Variants in DNAI3 observed in about 807,000 individuals in gnomAD.
DNAI3 encodes dynein axonemal intermediate chain 3.
Under a neutral mutation model 115.5 loss-of-function variants are expected in DNAI3, and 83 were observed. That is an observed-to-expected ratio of 0.72 (90% CI 0.60 to 0.86). The LOEUF (loss-of-function observed/expected upper bound fraction) is 0.86, where lower values mean the gene tolerates loss of function less well. Among genes scored for constraint, DNAI3 ranks in the 40% least tolerant of loss-of-function variants. The pLI is 0.00. For missense variants in DNAI3, 1,004 were observed against 1,075.8 expected (o/e 0.93, Z 0.93); for synonymous variants, 320 against 347.0 (o/e 0.92, Z 0.86).
At chr1:85,116,035 T>A (rs930237830) in intron 16 of DNAI3, among the ~76,000 whole-genome samples, 1 of 152,200 alleles carries the variant, frequency 6.6e-6, no homozygotes, top group African/African-American at 2.4e-5. Flanking sequence ...TCCTGCTACT[T>A]CTTCCGTTAT....
At position 85,104,240 on chromosome 1, in the gene DNAI3, C is replaced by A. The variant is rs553814750; in HGVS notation, c.1480-284C>A. Among the ~76,000 whole-genome samples the A allele has an allele frequency of 1.5e-4, 23 of 151,886 alleles. No individual in the cohort carries two copies. In the South Asian group the frequency reaches 4.4e-3, roughly 29 times the overall value. On this transcript the variant is annotated intron_variant, in intron 13 of 22. Coordinates refer to ENST00000294664, the MANE Select transcript of DNAI3 (RefSeq NM_145172.5). The stretch of plus-strand genomic sequence containing the variant: ...GGTTCACGCCGTTCTCCCGCCTCAG[C>A]CTCTGGACTAGCTGGGACTACAGGC...
In DNAI3 at chr1:85,071,955, A is replaced by G. The variant is rs1303301309; in HGVS notation, c.14A>G (p.Gln5Arg). The change falls in exon 2 of 23, where the codon CAA (glutamine) becomes CGA (arginine). Residue 5 changes from glutamine to arginine, a missense_variant. Physicochemically the swap from Gln to Arg is conservative, Grantham distance 43. Around this residue, in one of 3 missense-constraint regions of DNAI3, gnomAD observed 550 missense variants for 568.1 expected, o/e 0.97. Transcript: ENST00000294664. MAPK[Q>R]KKKTSRGKKR... ...CAAGTCAGAACCATGGCTCCAAAAC[A>G]AAAGAAAAAGACATCACGTGGCAAA... 3.8e-5 allele frequency: 62 copies of G among 1,612,218 alleles called. No individual in the cohort carries two copies. The highest frequency in any genetic ancestry group is 5.3e-5 in the Non-Finnish European group (62 of 1,179,710).
At chr1:85,124,606 C>T (rs1312400321) in intron 19 of DNAI3, among the ~76,000 whole-genome samples, 2 of 152,196 alleles carry the variant, frequency 1.3e-5, no homozygotes, top group Non-Finnish European at 2.9e-5. Context: ...TCTCTGCTCA[C>T]TGCAGCCTCG....
chr1:85,082,508 C>T, intron 5 of DNAI3, 104 bp downstream of exon 5: 4 of 837,872 alleles, frequency 4.8e-6, no homozygotes, highest in Non-Finnish European at 7.7e-6. Flanking sequence ...TGCAGTGGCA[C>T]AATCATGGTC....
intron 17 of DNAI3, among the ~76,000 whole-genome samples, chr1:85,121,254 T>G (rs1301286228): frequency 1.3e-5 from 2 of 152,210 alleles, no homozygotes; most frequent in African/African-American, 4.8e-5. Context: ...TAAGAATACA[T>G]ATCGCTTGCT....
chr1:85,094,903 G>A lies in DNAI3; in HGVS notation c.1173+348G>A, dbSNP rs186300549. ...TTTCCTCAATTCCAAGGATCACTGG[G>A]TAATAAATAAAGGTGAATGTGTGGG... On this transcript the variant is annotated intron_variant, in intron 10 of 22. Coordinates refer to ENST00000294664, the MANE Select transcript of DNAI3 (RefSeq NM_145172.5). 9.8e-4 allele frequency among the ~76,000 whole-genome samples: 150 copies of A among 152,290 alleles called. 1 individual carries two copies. Among genetic ancestry groups the A allele is most frequent in the African/African-American group, 3.4e-3 (140 of 41,554 alleles).
At chr1:85,122,717 C>T (rs1237229627) in intron 18 of DNAI3, among the ~76,000 whole-genome samples, 4 of 152,126 alleles carry the variant, frequency 2.6e-5, no homozygotes, top group African/African-American at 9.7e-5. Context: ...GAGTGACTGA[C>T]AGGGGAGCAG....
At chr1:85,102,893 T>A (rs1655367557) in intron 13 of DNAI3, among the ~76,000 whole-genome samples, 1 of 152,214 alleles carries the variant, frequency 6.6e-6, no homozygotes, top group Non-Finnish European at 1.5e-5. Flanking sequence ...GTTTTTGGAT[T>A]TTTAGTCATT....
chr1:85,112,133 C>A (rs543380531), intron 16 of DNAI3, among the ~76,000 whole-genome samples: 1 of 152,004 alleles, frequency 6.6e-6, no homozygotes, highest in Admixed American at 6.6e-5. Context: ...TTCACTGCAG[C>A]GTCTAACTCC....
intron 7 of DNAI3, among the ~76,000 whole-genome samples, chr1:85,089,527 C>G (rs1357647344): frequency 2.7e-5 from 4 of 149,498 alleles, no homozygotes; most frequent in African/African-American, 9.9e-5. Flanking sequence ...TATCTTATTC[C>G]TAGTTTTGTA....
chr1:85,095,353 T>C (rs1655093282), intron 10 of DNAI3, among the ~76,000 whole-genome samples: 1 of 152,174 alleles, frequency 6.6e-6, no homozygotes, highest in East Asian at 1.9e-4. Context: ...TTTCCCCAAT[T>C]CATTTGAATT....
At chr1:85,075,718 A>G (rs1183685366) in intron 3 of DNAI3, among the ~76,000 whole-genome samples, 1 of 152,178 alleles carries the variant, frequency 6.6e-6, no homozygotes, top group Non-Finnish European at 1.5e-5. Context: ...CTGGAGAATA[A>G]ATATAATTTT....
intron 20 of DNAI3, among the ~76,000 whole-genome samples, chr1:85,127,093 T>G (rs1571203762): frequency 6.6e-6 from 1 of 152,190 alleles, no homozygotes; most frequent in Non-Finnish European, 1.5e-5. Flanking sequence ...TTTTGCTGAT[T>G]TTTTTTCCCA....
intron 2 of DNAI3, 120 bp downstream of exon 2, chr1:85,072,125 A>G: frequency 2.1e-6 from 2 of 957,338 alleles, no homozygotes; most frequent in East Asian, 2.6e-5. Context: ...CATAAAGTCA[A>G]ATGTATGAGG....
intron 18 of DNAI3, 55 bp from the exon 19 acceptor site, chr1:85,124,066 G>C: frequency 1.2e-6 from 2 of 1,606,926 alleles, no homozygotes; most frequent in South Asian, 2.2e-5. Context: ...ATTCCTCACT[G>C]CAGGAATGCA....
At chr1:85,063,403 T>G (rs1653997026) in intron 1 of DNAI3, among the ~76,000 whole-genome samples, 1 of 152,008 alleles carries the variant, frequency 6.6e-6, no homozygotes, top group African/African-American at 2.4e-5. Context: ...TGGGAATGAA[T>G]GGAAACCGTG....
At chr1:85,099,803 T>A (rs911749439) in intron 13 of DNAI3, among the ~76,000 whole-genome samples, 3 of 152,146 alleles carry the variant, frequency 2.0e-5, no homozygotes, top group African/African-American at 7.2e-5. Flanking sequence ...AACAGAGCCC[T>A]TAGAAATAAT....
intron 3 of DNAI3, 127 bp from the exon 4 acceptor site, chr1:85,081,107 G>A (rs1051890376): frequency 7.1e-6 from 5 of 708,182 alleles, no homozygotes; most frequent in African/African-American, 5.7e-5. Context: ...TTAAATACAG[G>A]AATAATAATT....
chr1:85,085,082 C>G (rs1654759690), intron 6 of DNAI3, among the ~76,000 whole-genome samples: 1 of 152,092 alleles, frequency 6.6e-6, no homozygotes, highest in Non-Finnish European at 1.5e-5. Flanking sequence ...TGTAAAGAAG[C>G]AGGCAGAGAC....
Sources: gnomAD v4.1 joint callset for allele counts (sites outside exome capture counted in the v4.1 genomes callset) on GRCh38, gnomAD v4.1.1 for gene constraint, gnomAD v4.1.1 regional missense constraint, MANE v1.5 for transcripts, NCBI Gene and HGNC (gene_info 2026-07-23, HGNC 2026-07-21) for gene names.